The following FSTL4 variants were observed in gnomAD, a reference collection of about 807,000 sequenced individuals.
FSTL4 encodes the protein follistatin like 4, also known as follistatin-related protein 4.
FSTL4 carries 28 observed loss-of-function variants against 78.2 expected under a neutral mutation model. That is an observed-to-expected ratio of 0.36 (90% CI 0.27 to 0.49). FSTL4 has a LOEUF of 0.49. Among genes scored for constraint, FSTL4 ranks in the 20% least tolerant of loss-of-function variants. The pLI, the probability that FSTL4 is intolerant of heterozygous loss-of-function variation, is 0.98. For missense variants in FSTL4, 922 were observed against 1,084.9 expected, an observed-to-expected ratio of 0.85 and a Z score of 2.11; for synonymous variants, 422 against 440.5, an observed-to-expected ratio of 0.96 and a Z score of 0.53.
the FSTL4 span, among the ~76,000 whole-genome samples, chr5:133,733,325 C>T: frequency 9.2e-5 from 14 of 152,204 alleles, no homozygotes; most frequent in East Asian, 1.9e-4. Context: ...AAATGTTGCC[C>T]GACCATCTGA....
At chr5:133,802,725 T>C in the FSTL4 span, among the ~76,000 whole-genome samples, 1 of 152,230 alleles carries the variant, frequency 6.6e-6, no homozygotes. Context: ...TTTTATTCCT[T>C]TGGGGAACCA....
At chr5:133,664,461 A>AG in the FSTL4 span, among the ~76,000 whole-genome samples, 14 of 152,282 alleles carry the variant, frequency 9.2e-5, no homozygotes, top group Non-Finnish European at 1.9e-4. Flanking sequence ...ATCTTCCCCA[A>AG]GGGAGGCTGG....
At chr5:133,659,843 A>G in the FSTL4 span, among the ~76,000 whole-genome samples, 1 of 152,146 alleles carries the variant, frequency 6.6e-6, no homozygotes, top group Non-Finnish European at 1.5e-5. Context: ...ATCTATTAAT[A>G]TTTTTCCTCT....
chr5:133,804,942 CAAAAAAA>C, the FSTL4 span, among the ~76,000 whole-genome samples: 1 of 94,518 alleles, frequency 1.1e-5, no homozygotes, highest in East Asian at 3.0e-4. Context: ...GACTCCGTCT[CAAAAAAA>C]AAAAAAAAAA....
chr5:133,588,016 G>C (rs371344432), intron 2 of FSTL4, among the ~76,000 whole-genome samples: 48 of 30,038 alleles, frequency 1.6e-3, no homozygotes, highest in African/African-American at 4.4e-3. Context: ...ACAAACCTGA[G>C]AAAAACAAGC....
At chr5:133,764,023 T>G in the FSTL4 span, among the ~76,000 whole-genome samples, 3 of 152,238 alleles carry the variant, frequency 2.0e-5, no homozygotes, top group African/African-American at 7.2e-5. Flanking sequence ...CATCCAGGGC[T>G]GGCCAGAGCC....
intron 4 of FSTL4, among the ~76,000 whole-genome samples, chr5:133,347,556 A>G (rs1754723755): frequency 6.6e-6 from 1 of 152,046 alleles, no homozygotes; most frequent in Non-Finnish European, 1.5e-5. Context: ...ATGGGGTTTC[A>G]CCATGTTGGC....
intron 14 of FSTL4, chr5:133,202,322 A>G (rs1750352041): frequency 4.3e-6 from 1 of 231,394 alleles, no homozygotes; most frequent in East Asian, 8.4e-5. Flanking sequence ...GCACTTTGTC[A>G]GCCACCATGA....
At position 133,610,816 on chromosome 5, in the gene FSTL4, T is replaced by G. The variant is rs187423315; in HGVS notation, c.-11+1509A>C. 4.6e-4 allele frequency among the ~76,000 whole-genome samples: 70 copies of G among 152,342 alleles called. 1 individual carries two copies. In the East Asian group the frequency reaches 9.8e-3, roughly 21 times the overall value. ...TAAATTTGGCAGTAGGAAAATAACT[T>G]AGGACTTTCAAGAAGAGTCCTAGTC... On this transcript the variant is annotated intron_variant, in intron 1 of 15. Transcript: ENST00000265342.
At chr5:133,479,310 T>C (rs949773150) in intron 3 of FSTL4, among the ~76,000 whole-genome samples, 3 of 152,158 alleles carry the variant, frequency 2.0e-5, no homozygotes, top group African/African-American at 7.2e-5. Context: ...GACACCTATT[T>C]TGAGTGAATC....
At position 133,400,918 on chromosome 5, in the gene FSTL4, C is replaced by CGCACCG. The variant is rs1268751478; in HGVS notation, c.223_228dup (p.Arg75_Cys76dup). On this transcript the variant is annotated inframe_insertion, in exon 4 of 16. Coordinates refer to ENST00000265342, the MANE Select transcript of FSTL4 (RefSeq NM_015082.2). ...GGCTCCCCTGTCTTCCTGCTGAGCA[C>CGCACCG]GCACCGGCTCCCTCGGCTGCAGAAC... 6.2e-7 allele frequency: 1 copy of CGCACCG among 1,613,538 alleles called. No homozygotes were observed. The highest frequency in any genetic ancestry group is 8.5e-7 in the Non-Finnish European group (1 of 1,180,014).
the FSTL4 span, among the ~76,000 whole-genome samples, chr5:133,830,227 G>A: frequency 6.6e-6 from 1 of 152,268 alleles, no homozygotes; most frequent in Non-Finnish European, 1.5e-5. Flanking sequence ...TCAGAGGGGT[G>A]TGAGATCTGG....
intron 2 of FSTL4, among the ~76,000 whole-genome samples, chr5:133,603,147 G>T (rs750418413): frequency 2.0e-5 from 3 of 152,120 alleles, no homozygotes; most frequent in Non-Finnish European, 2.9e-5. Context: ...CACACACAAA[G>T]CATTTTCTGC....
At chr5:133,571,789 C>T (rs1354163684) in intron 2 of FSTL4, among the ~76,000 whole-genome samples, 1 of 151,816 alleles carries the variant, frequency 6.6e-6, no homozygotes, top group Non-Finnish European at 1.5e-5. Flanking sequence ...TTAAACACAA[C>T]TGAAGAAAGG....
At chr5:133,357,518 T>A (rs1342460513) in intron 4 of FSTL4, among the ~76,000 whole-genome samples, 2 of 152,198 alleles carry the variant, frequency 1.3e-5, no homozygotes, top group Admixed American at 1.3e-4. Flanking sequence ...CCTATCAATG[T>A]CTGTTTACAG....
chr5:133,395,877 A>G (rs1273102014), intron 4 of FSTL4, among the ~76,000 whole-genome samples: 1 of 152,148 alleles, frequency 6.6e-6, no homozygotes, highest in Non-Finnish European at 1.5e-5. Flanking sequence ...GCATTTCCTG[A>G]GAGCCCGGAG....
chr5:133,351,430 C>T (rs1246187102), intron 4 of FSTL4, among the ~76,000 whole-genome samples: 1 of 152,050 alleles, frequency 6.6e-6, no homozygotes, highest in East Asian at 1.9e-4. Context: ...TTCATTCTTG[C>T]TATTTTCACC....
the FSTL4 span, among the ~76,000 whole-genome samples, chr5:133,713,379 C>G: frequency 6.6e-6 from 1 of 152,242 alleles, no homozygotes; most frequent in Non-Finnish European, 1.5e-5. Context: ...CCTGCCTTGC[C>G]TGGCTTCAGC....
At chr5:133,282,743 GA>G in intron 6 of FSTL4, among the ~76,000 whole-genome samples, 2 of 152,266 alleles carry the variant, frequency 1.3e-5, no homozygotes, top group African/African-American at 4.8e-5. Flanking sequence ...GAACTGCCCT[GA>G]ACCCTCACCT....
Sources: gnomAD v4.1 joint callset for allele counts (sites outside exome capture counted in the v4.1 genomes callset) on GRCh38, gnomAD v4.1.1 for gene constraint, MANE v1.5 for transcripts, NCBI Gene and HGNC (gene_info 2026-07-23, HGNC 2026-07-21) for gene names.